Variants in ASIC4 observed in about 807,000 individuals in gnomAD.
ASIC4 encodes the protein acid sensing ion channel subunit family member 4.
In ASIC4, 28 loss-of-function variants were observed where a neutral mutation model predicts 53.4. That is an observed-to-expected ratio of 0.52 (90% confidence interval 0.39 to 0.72). The LOEUF (loss-of-function observed/expected upper bound fraction) is 0.72. Among genes scored for constraint, ASIC4 ranks in the 30% least tolerant of loss-of-function variants. The pLI, the probability that ASIC4 is intolerant of heterozygous loss-of-function variation, is 0.00. For missense variants in ASIC4, 649 were observed against 729.7 expected (o/e 0.89, Z 1.27); for synonymous variants, 289 against 301.4 (o/e 0.96, Z 0.43).
At chr2:219,507,707 G>A in the ASIC4 span, among the ~76,000 whole-genome samples, 1 of 152,160 alleles carries the variant, frequency 6.6e-6, no homozygotes, top group African/African-American at 2.4e-5. Flanking sequence ...GTGTGGAGCT[G>A]TGTTGCCAGA....
At chr2:219,520,203 G>T (rs1247924834) in intron 1 of ASIC4, among the ~76,000 whole-genome samples, 2 of 151,862 alleles carry the variant, frequency 1.3e-5, no homozygotes, top group East Asian at 3.9e-4. Flanking sequence ...TGACTGCCAT[G>T]ACTATTAATC....
Position 219,514,777 on chromosome 2 carries a change from C to A in ASIC4, c.53C>A (p.Pro18His). 6.2e-7 allele frequency: 1 copy of A among 1,613,540 alleles called. No individual in the cohort carries two copies. Among genetic ancestry groups the A allele is most frequent in the Non-Finnish European group, 8.5e-7 (1 of 1,179,988 alleles). Reference protein sequence around the residue: ...KIKFAEEDAKPKEKEAGDEQS... With the variant: ...KIKFAEEDAKHKEKEAGDEQS... The stretch of plus-strand genomic sequence containing the variant: ...AAATTTGCTGAGGAGGATGCGAAAC[C>A]CAAGGAGAAGGAGGCAGGGGATGAG... The change falls in exon 1 of 10, where the codon CCC (proline) becomes CAC (histidine). Residue 18 changes from proline (P) to histidine (H), a missense_variant. By Grantham distance (77) the Pro-to-His change is moderately conservative. Coordinates refer to ENST00000358078, the MANE Select transcript of ASIC4 (RefSeq NM_018674.6).
chr2:219,525,615 T>G (rs1263780707), intron 1 of ASIC4, among the ~76,000 whole-genome samples: 3 of 152,220 alleles, frequency 2.0e-5, no homozygotes, highest in African/African-American at 7.2e-5. Context: ...CGCAGACACC[T>G]CAGGCATTTT....
intron 1 of ASIC4, among the ~76,000 whole-genome samples, chr2:219,521,197 G>T (rs941344159): frequency 6.6e-6 from 1 of 152,208 alleles, no homozygotes; most frequent in Non-Finnish European, 1.5e-5. Context: ...CAGAGGGCTG[G>T]TCTTCAAGGG....
At chr2:219,535,521 G>A (rs1008296347) in intron 6 of ASIC4, among the ~76,000 whole-genome samples, 197 bp downstream of exon 6, 3 of 150,228 alleles carry the variant, frequency 2.0e-5, no homozygotes, top group Non-Finnish European at 3.0e-5. Context: ...TGTGTGGGGG[G>A]CATGTATGTG....
chr2:219,508,325 T>C, the ASIC4 span, among the ~76,000 whole-genome samples: 1 of 152,136 alleles, frequency 6.6e-6, no homozygotes, highest in Non-Finnish European at 1.5e-5. Context: ...ATAATTTAAT[T>C]ATTTTCTCAG....
the ASIC4 span, among the ~76,000 whole-genome samples, chr2:219,507,329 C>A: frequency 6.6e-6 from 1 of 152,186 alleles, no homozygotes; most frequent in Non-Finnish European, 1.5e-5. Flanking sequence ...GGAACTGGGG[C>A]CACAGGCCTA....
At chr2:219,522,555 C>A (rs1694903942) in intron 1 of ASIC4, among the ~76,000 whole-genome samples, 1 of 152,166 alleles carries the variant, frequency 6.6e-6, no homozygotes. Flanking sequence ...CCTCCCGGGC[C>A]TCGTGCTGAT....
chr2:219,521,289 C>T (rs1694880132), intron 1 of ASIC4, among the ~76,000 whole-genome samples: 1 of 152,246 alleles, frequency 6.6e-6, no homozygotes. Flanking sequence ...GGAATCAGCC[C>T]CGAGCTGGGC....
chr2:219,531,127 T>C (rs2125666391), intron 1 of ASIC4, among the ~76,000 whole-genome samples: 1 of 151,976 alleles, frequency 6.6e-6, no homozygotes, highest in Admixed American at 6.6e-5. Flanking sequence ...AGCAGAAGGA[T>C]TGCTTGGGCC....
In ASIC4 at chr2:219,528,744, T is replaced by C. The variant is rs375166122; in HGVS notation, c.583-3014T>C. On this transcript the variant is annotated intron_variant, in intron 1 of 9. Coordinates refer to ENST00000358078, the MANE Select transcript of ASIC4 (RefSeq NM_018674.6). The stretch of plus-strand genomic sequence containing the variant: ...TAGTAGAGATGTGGTTTCACCATGT[T>C]GGTCAGGCTGGTCTTGAACTCCTGA... Among the ~76,000 whole-genome samples the C allele has an allele frequency of 3.3e-5, 5 of 152,302 alleles. 1 individual carries two copies. The highest frequency in any genetic ancestry group is 2.0e-4 in the Admixed American group (3 of 15,298).
chr2:219,537,359 C>G lies in ASIC4; in HGVS notation c.1401+38C>G. The G allele has an allele frequency of 1.3e-6, 2 of 1,591,170 alleles. No homozygotes were observed. The highest frequency in any genetic ancestry group is 1.7e-6 in the Non-Finnish European group (2 of 1,168,074). On this transcript the variant is annotated intron_variant, in intron 8 of 9. Coordinates refer to ENST00000358078, the MANE Select transcript of ASIC4 (RefSeq NM_018674.6). The surrounding 1 kb of genome is among the most constrained non-coding windows in gnomAD (Gnocchi z 4.9). ...GAGAAGGCAGGGTGGGAGTGGGGGC[C>G]GTGGGCAAAGCAGAAGGGGGCAGTG...
rs1381547568 is a variant in ASIC4, at chr2:219,537,695, G to C, written c.1465G>C (p.Gly489Arg). 1 of 1,613,946 alleles carries C rather than the reference G, an allele frequency of 6.2e-7. No homozygotes were observed. Among genetic ancestry groups the C allele is most frequent in the Non-Finnish European group, 8.5e-7 (1 of 1,179,980 alleles). The change falls in exon 9 of 10, where the codon GGG (glycine) becomes CGG (arginine). Residue 489 changes from glycine to arginine, a missense_variant. By Grantham distance (125) the Gly-to-Arg change is moderately radical. Coordinates refer to ENST00000358078, the MANE Select transcript of ASIC4 (RefSeq NM_018674.6). This position sits in a 1 kb window ranked among gnomAD's most constrained non-coding sequence, Gnocchi z 4.9. ...CAAGACCCCCCTGCGGACCTCCACT[G>C]GGGGCATCTCCACTTTGGGGCTTCA... The part of the protein sequence containing the change: ...RPKTPLRTST[G>R]GISTLGLQEL...
intron 6 of ASIC4, among the ~76,000 whole-genome samples, chr2:219,535,723 T>C (rs891346019): frequency 2.6e-5 from 4 of 151,504 alleles, no homozygotes; most frequent in African/African-American, 9.7e-5. Flanking sequence ...CGCATCTCTA[T>C]GATGAGTCTT....
upstream of ASIC4, among the ~76,000 whole-genome samples, chr2:219,510,459 C>T (rs1285460509): frequency 6.6e-6 from 1 of 152,204 alleles, no homozygotes; most frequent in Admixed American, 6.5e-5. The surrounding 1 kb of genome is among the most constrained non-coding windows in gnomAD (Gnocchi z 5.2). Context: ...CCGAGGTTGT[C>T]GGCTGCACAC....
intron 1 of ASIC4, among the ~76,000 whole-genome samples, chr2:219,528,653 C>T (rs1188050564): frequency 6.6e-6 from 1 of 152,112 alleles, no homozygotes; most frequent in Non-Finnish European, 1.5e-5. Context: ...GATTCTCCTA[C>T]CTCAGCCTCC....
At chr2:219,534,512 AC>A (rs963197627) in intron 5 of ASIC4, among the ~76,000 whole-genome samples, 8 of 152,128 alleles carry the variant, frequency 5.3e-5, no homozygotes, top group Admixed American at 3.3e-4. Context: ...CGGGAGAAAT[AC>A]CCTGGCATCT....
Position 219,535,341 on chromosome 2 carries a change from G to T in ASIC4, c.1229+17G>T. ...CTACATACGGTATGTGTGTGTGTGT[G>T]TGGGGGGTGGCTGTGTGACTCTGTG... On this transcript the variant is annotated intron_variant, in intron 6 of 9. Transcript: ENST00000358078. The T allele has an allele frequency of 6.5e-7, 1 of 1,534,418 alleles. No homozygotes were observed. Among genetic ancestry groups the T allele is most frequent in the Non-Finnish European group, 8.8e-7 (1 of 1,138,236 alleles).
At chr2:219,529,386 G>A (rs1261521664) in intron 1 of ASIC4, among the ~76,000 whole-genome samples, 1 of 152,176 alleles carries the variant, frequency 6.6e-6, no homozygotes, top group Non-Finnish European at 1.5e-5. Flanking sequence ...GGAAGGAGAG[G>A]ACTTGGGGGA....
Sources: gnomAD v4.1 joint callset for allele counts (sites outside exome capture counted in the v4.1 genomes callset) on GRCh38, gnomAD v4.1.1 for gene constraint, Gnocchi (gnomAD v3.1) non-coding constraint, MANE v1.5 for transcripts, NCBI Gene and HGNC (gene_info 2026-07-23, HGNC 2026-07-21) for gene names.